PRIM2: variants seen among roughly 807,000 people sequenced by gnomAD.
PRIM2 encodes DNA primase subunit 2, also known as DNA primase large subunit.
A neutral mutation model predicts 67.3 loss-of-function variants in PRIM2; 39 were observed. The ratio of observed to expected loss-of-function variants is 0.58; its 90% CI spans 0.45 to 0.76. PRIM2 has a LOEUF of 0.76. PRIM2 is among the 30% of genes least tolerant of loss of function. PRIM2 has a pLI of 0.00. For synonymous variants in PRIM2, 143 were observed against 198.7 expected (o/e 0.72, Z 2.36); for missense variants, 398 against 598.7 (o/e 0.66, Z 3.50).
chr6:57,338,376 G>C (rs938403454), intron 5 of PRIM2, among the ~76,000 whole-genome samples: 1 of 152,070 alleles, frequency 6.6e-6, no homozygotes, highest in Non-Finnish European at 1.5e-5. Context: ...GCATCATCCT[G>C]ATACCAAAGC....
intron 12 of PRIM2, among the ~76,000 whole-genome samples, chr6:57,607,262 C>T (rs1776581527): frequency 6.6e-6 from 1 of 151,930 alleles, no homozygotes; most frequent in African/African-American, 2.4e-5. Context: ...GTTCAGATAA[C>T]AAATCTTACA....
At chr6:57,449,981 G>A (rs1482765261) in intron 7 of PRIM2, among the ~76,000 whole-genome samples, 80 of 152,084 alleles carry the variant, frequency 5.3e-4, no homozygotes, top group Non-Finnish European at 5.0e-4. Context: ...AATGACAAAG[G>A]TAACTCAGTT....
intron 10 of PRIM2, among the ~76,000 whole-genome samples, chr6:57,547,909 T>G (rs1325278593): frequency 9.2e-5 from 14 of 152,200 alleles, no homozygotes; most frequent in African/African-American, 3.4e-4. Flanking sequence ...GAAACATTTA[T>G]TGTTAGGATT....
At chr6:57,325,200 C>G (rs1767804061) in intron 4 of PRIM2, among the ~76,000 whole-genome samples, 1 of 151,964 alleles carries the variant, frequency 6.6e-6, no homozygotes, top group Admixed American at 6.6e-5. Context: ...TCAAAGTTGC[C>G]TTAAAAAATT....
At chr6:57,308,146 T>C in the PRIM2 span, among the ~76,000 whole-genome samples, 1 of 152,060 alleles carries the variant, frequency 6.6e-6, no homozygotes, top group Non-Finnish European at 1.5e-5. Context: ...CTTTTTTTTT[T>C]TGAGACAAGG....
intron 7 of PRIM2, among the ~76,000 whole-genome samples, chr6:57,427,646 T>C (rs1313167650): frequency 6.6e-6 from 1 of 152,180 alleles, no homozygotes; most frequent in Non-Finnish European, 1.5e-5. Flanking sequence ...CAGCATCACA[T>C]AGCAAATTTT....
At chr6:57,625,979 G>A (rs1776943616) in intron 12 of PRIM2, among the ~76,000 whole-genome samples, 1 of 152,220 alleles carries the variant, frequency 6.6e-6, no homozygotes, top group African/African-American at 2.4e-5. Flanking sequence ...ATATGGGAAG[G>A]TTAGAAATGG....
At chr6:57,294,811 T>A in the PRIM2 span, among the ~76,000 whole-genome samples, 1 of 151,210 alleles carries the variant, frequency 6.6e-6, no homozygotes, top group African/African-American at 2.4e-5. Context: ...ACTCATTTTA[T>A]GACTTTTTTT....
At chr6:57,352,514 C>A (rs1296126630) in intron 5 of PRIM2, among the ~76,000 whole-genome samples, 1 of 152,182 alleles carries the variant, frequency 6.6e-6, no homozygotes, top group African/African-American at 2.4e-5. Context: ...GCTGGGATTA[C>A]AGGTGTGAGC....
the PRIM2 span, among the ~76,000 whole-genome samples, chr6:57,284,110 T>C: frequency 1.3e-5 from 2 of 152,114 alleles, no homozygotes; most frequent in African/African-American, 2.4e-5. Context: ...GTTTGTTTCA[T>C]GAAGATAAAA....
chr6:57,252,518 G>C, the PRIM2 span, among the ~76,000 whole-genome samples: 1 of 152,054 alleles, frequency 6.6e-6, no homozygotes, highest in Non-Finnish European at 1.5e-5. Context: ...TTGGCTCACC[G>C]CAACCTCTGC....
chr6:57,550,175 C>G (rs1775372200), intron 10 of PRIM2, among the ~76,000 whole-genome samples: 1 of 152,060 alleles, frequency 6.6e-6, no homozygotes, highest in Non-Finnish European at 1.5e-5. Context: ...TAAAGGTACT[C>G]TTAACAGCTA....
chr6:57,340,793 A>C (rs1411055029), intron 5 of PRIM2, among the ~76,000 whole-genome samples: 2 of 152,194 alleles, frequency 1.3e-5, no homozygotes, highest in African/African-American at 2.4e-5. Context: ...CCAGCATGGC[A>C]CATGTATACA....
chr6:57,570,027 A>C (rs1311869977), intron 10 of PRIM2, among the ~76,000 whole-genome samples: 35 of 152,280 alleles, frequency 2.3e-4, no homozygotes, highest in African/African-American at 8.4e-4. Flanking sequence ...CAGGTGAGCC[A>C]CCACGCCCTG....
chr6:57,527,219 G>A lies in PRIM2; in HGVS notation c.762-5192G>A, dbSNP rs1774775553. Among the ~76,000 whole-genome samples the A allele has an allele frequency of 2.0e-5, 3 of 152,290 alleles. No homozygotes were observed. In the South Asian group the frequency reaches 6.2e-4, roughly 32 times the overall value. ...TCACCTGGAAACATTGTAAAGATGAGTGAAGAAAATTTATTATCAAAACTT... is the reference window on the plus strand; with the variant it reads ...TCACCTGGAAACATTGTAAAGATGAATGAAGAAAATTTATTATCAAAACTT... On this transcript the variant is annotated intron_variant, in intron 8 of 13. Coordinates refer to ENST00000615550, the MANE Select transcript of PRIM2 (RefSeq NM_000947.5).
At chr6:57,639,248 A>C (rs1158894967) in intron 13 of PRIM2, among the ~76,000 whole-genome samples, 1 of 152,218 alleles carries the variant, frequency 6.6e-6, no homozygotes, top group Non-Finnish European at 1.5e-5. Flanking sequence ...GACATAGCCA[A>C]GGCAGTGTTT....
At chr6:57,290,218 A>G in the PRIM2 span, among the ~76,000 whole-genome samples, 4 of 152,182 alleles carry the variant, frequency 2.6e-5, no homozygotes, top group Non-Finnish European at 5.9e-5. Context: ...AAACAGACTT[A>G]GTCTCTGATA....
intron 7 of PRIM2, among the ~76,000 whole-genome samples, chr6:57,416,108 C>T (rs1348202092): frequency 5.9e-5 from 9 of 152,154 alleles, no homozygotes; most frequent in African/African-American, 1.4e-4. Context: ...TCAGAGGAAT[C>T]GCTATCTATA....
chr6:57,232,278 C>T, the PRIM2 span, among the ~76,000 whole-genome samples: 2 of 152,190 alleles, frequency 1.3e-5, no homozygotes, highest in Non-Finnish European at 2.9e-5. Flanking sequence ...AGGGACTGGG[C>T]GTGGTGGCTC....
Sources: gnomAD v4.1 joint callset for allele counts (sites outside exome capture counted in the v4.1 genomes callset) on GRCh38, gnomAD v4.1.1 for gene constraint, MANE v1.5 for transcripts, NCBI Gene and HGNC (gene_info 2026-07-23, HGNC 2026-07-21) for gene names.